The following TBC1D12 variants were observed in gnomAD, a reference collection of about 807,000 sequenced individuals.
The protein encoded by TBC1D12 is TBC1 domain family, member 12.
Under a neutral mutation model 86.7 loss-of-function variants are expected in TBC1D12, and 56 were observed. That is an observed-to-expected ratio of 0.65 (90% CI 0.52 to 0.81). TBC1D12 has a LOEUF of 0.81. Among genes scored for constraint, TBC1D12 ranks in the 30% least tolerant of loss-of-function variants. The pLI is 0.00. For missense variants in TBC1D12, 1,023 were observed against 1,038.8 expected (o/e 0.98, Z 0.21); for synonymous variants, 421 against 411.7 (o/e 1.02, Z -0.27).
chr10:94,464,561 G>A (rs2055778391), intron 2 of TBC1D12, among the ~76,000 whole-genome samples: 1 of 152,086 alleles, frequency 6.6e-6, no homozygotes, highest in African/African-American at 2.4e-5. Context: ...TGCCTCCTGG[G>A]CTCAAGCCAT....
At chr10:94,403,658 G>A in intron 1 of TBC1D12, 74 bp downstream of exon 1, 4 of 1,378,736 alleles carry the variant, frequency 2.9e-6, no homozygotes, top group Non-Finnish European at 3.7e-6. Context: ...GTGGGAGTCG[G>A]AGCCGGAGCC....
intron 1 of TBC1D12, among the ~76,000 whole-genome samples, chr10:94,409,622 C>G (rs757604757): frequency 6.6e-6 from 1 of 151,956 alleles, no homozygotes; most frequent in African/African-American, 2.4e-5. Flanking sequence ...GTGATCTGCC[C>G]GCTTTGGCCT....
intron 2 of TBC1D12, among the ~76,000 whole-genome samples, chr10:94,473,432 C>T (rs1311670611): frequency 6.6e-6 from 1 of 151,766 alleles, no homozygotes; most frequent in African/African-American, 2.4e-5. Context: ...TATCAGGTCT[C>T]ATTTTATGAT....
Position 94,447,760 on chromosome 10 carries a change from T to C in TBC1D12, c.1095+5741T>C, listed in dbSNP as rs2055491287. 2.5e-5 allele frequency: 21 copies of C among 830,964 alleles called. 1 individual carries two copies. In the South Asian group the frequency reaches 9.9e-4, roughly 39 times the overall value. 51.5% of individuals were successfully genotyped at this position (830,964 alleles called of 1,614,324 possible). On this transcript the variant is annotated intron_variant, in intron 2 of 12. Coordinates refer to ENST00000225235, the MANE Select transcript of TBC1D12 (RefSeq NM_015188.2). The stretch of plus-strand genomic sequence containing the variant: ...TTGACCTGAGTTTTTTGTTTTTTTT[T>C]CTAAATTAGTAGGTAAAGTTGGAAT...
intron 3 of TBC1D12, among the ~76,000 whole-genome samples, chr10:94,481,660 A>G (rs986443817): frequency 5.3e-5 from 8 of 152,240 alleles, no homozygotes; most frequent in Non-Finnish European, 8.8e-5. Context: ...TTTCTCAGCA[A>G]TAAGGCTGTT....
Position 94,531,819 on chromosome 10 carries a change from GTTATT to G in TBC1D12, c.2259+369_2259+373del, listed in dbSNP as rs1440171913. 7.8e-5 allele frequency among the ~76,000 whole-genome samples: 11 copies of G among 140,990 alleles called. No homozygotes were observed. In the East Asian group the frequency reaches 1.0e-3, roughly 13 times the overall value. 92.5% of individuals were successfully genotyped at this position (140,990 alleles called of 152,430 possible). ...TTTATTTTATGTTATTTTATTTTAT[GTTATT>G]TTATTTTATGTTATTTTATTTTATG... is the stretch of plus-strand genomic sequence containing the variant. On this transcript the variant is annotated intron_variant, in intron 12 of 12. Coordinates refer to ENST00000225235, the MANE Select transcript of TBC1D12 (RefSeq NM_015188.2).
At chr10:94,433,243 C>T (rs890839128) in intron 1 of TBC1D12, among the ~76,000 whole-genome samples, 2 of 152,006 alleles carry the variant, frequency 1.3e-5, no homozygotes, top group African/African-American at 2.4e-5. Context: ...CCCAGCCTCC[C>T]GAGGAGCTGG....
intron 3 of TBC1D12, among the ~76,000 whole-genome samples, chr10:94,478,882 G>A (rs1175524765): frequency 3.9e-5 from 6 of 152,096 alleles, no homozygotes; most frequent in Non-Finnish European, 4.4e-5. Context: ...GCTTGAACAC[G>A]GAAGGTGGAG....
At chr10:94,430,518 T>G (rs2055201169) in intron 1 of TBC1D12, among the ~76,000 whole-genome samples, 1 of 152,260 alleles carries the variant, frequency 6.6e-6, no homozygotes, top group Admixed American at 6.5e-5. Flanking sequence ...CAATAAATTT[T>G]GCCCCTTTTT....
intron 10 of TBC1D12, 84 bp from the exon 11 acceptor site, chr10:94,522,260 G>T: frequency 9.3e-7 from 1 of 1,072,568 alleles, no homozygotes; most frequent in South Asian, 2.0e-5. Flanking sequence ...TAATGAGCAC[G>T]ATTTCCTGTT....
chr10:94,511,596 A>G lies in TBC1D12; in HGVS notation c.1703A>G (p.His568Arg). Residue 568 changes from histidine (H) to arginine (R), a missense_variant, in exon 9 of 13, where the codon CAT (histidine) becomes CGT (arginine). Around this residue, in one of 2 missense-constraint regions of TBC1D12, gnomAD observed 395 missense variants for 507.7 expected, o/e 0.78. Coordinates refer to ENST00000225235, the MANE Select transcript of TBC1D12 (RefSeq NM_015188.2). ...LYIFQKGGPY[H>R]DVLHSILGAY... ...TTCTCTCCTAAGGGTGGTCCATATC[A>G]TGATGTCTTGCATAGTATTTTAGGG... is the stretch of plus-strand genomic sequence containing the variant. The G allele has an allele frequency of 6.2e-7, 1 of 1,611,774 alleles. No individual in the cohort carries two copies. Among genetic ancestry groups the G allele is most frequent in the Non-Finnish European group, 8.5e-7 (1 of 1,178,256 alleles).
intron 1 of TBC1D12, among the ~76,000 whole-genome samples, chr10:94,415,666 G>A (rs1564936141): frequency 6.6e-6 from 1 of 152,118 alleles, no homozygotes; most frequent in African/African-American, 2.4e-5. Context: ...CCCAGGAGGT[G>A]GAGCTTGCAG....
At chr10:94,492,713 T>G (rs2056262246) in intron 3 of TBC1D12, among the ~76,000 whole-genome samples, 1 of 152,130 alleles carries the variant, frequency 6.6e-6, no homozygotes, top group Non-Finnish European at 1.5e-5. Context: ...GGAAACAAAT[T>G]AATCTGTAGT....
intron 2 of TBC1D12, among the ~76,000 whole-genome samples, chr10:94,457,301 C>T (rs2055642768): frequency 6.6e-6 from 1 of 152,150 alleles, no homozygotes; most frequent in Admixed American, 6.5e-5. Flanking sequence ...GTTCTTCTCC[C>T]TGTATCCATG....
rs189562477 is a variant in TBC1D12 at position 94,438,924 on chromosome 10, C to T, written c.972-2972C>T. ...GTTCAAGCAATTCACCTGTCTCAGC[C>T]TCCTGAGTAGCTGGGATTACAGGTT... On this transcript the variant is annotated intron_variant, in intron 1 of 12. Coordinates refer to ENST00000225235, the MANE Select transcript of TBC1D12 (RefSeq NM_015188.2). Among the ~76,000 whole-genome samples, 31 of 152,200 alleles carry T rather than the reference C, an allele frequency of 2.0e-4. No individual in the cohort carries two copies. The East Asian group carries it at 4.8e-3, about 24-fold the overall frequency.
chr10:94,501,590 GT>G (rs1332440200), intron 6 of TBC1D12: 2 of 152,032 alleles, frequency 1.3e-5, no homozygotes, highest in African/African-American at 4.8e-5. Flanking sequence ...CTCTGTTGCT[GT>G]GCTGGAGTGC....
At chr10:94,430,673 T>A (rs1010102091) in intron 1 of TBC1D12, among the ~76,000 whole-genome samples, 1 of 152,226 alleles carries the variant, frequency 6.6e-6, no homozygotes, top group East Asian at 1.9e-4. Flanking sequence ...TGTTAACATG[T>A]ATTAATAAGC....
intron 11 of TBC1D12, among the ~76,000 whole-genome samples, chr10:94,525,872 T>G (rs1842274824): frequency 6.6e-6 from 1 of 152,182 alleles, no homozygotes. Context: ...GATGTTTCTG[T>G]ACATATAATG....
chr10:94,475,377 T>C (rs1052732586), intron 3 of TBC1D12, among the ~76,000 whole-genome samples: 9 of 152,244 alleles, frequency 5.9e-5, no homozygotes, highest in Admixed American at 1.3e-4. Flanking sequence ...CCTACTATTA[T>C]TATTAAGAAT....
Sources: allele counts gnomAD v4.1 joint callset (sites outside exome capture counted in the v4.1 genomes callset), GRCh38; gene constraint gnomAD v4.1.1; regional missense constraint gnomAD v4.1.1; transcripts MANE v1.5; gene names NCBI Gene and HGNC (gene_info 2026-07-23, HGNC 2026-07-21).